PRDM11: variants seen among roughly 807,000 people sequenced by gnomAD.
The protein encoded by PRDM11 is PR domain-containing protein 11.
A neutral mutation model predicts 97.8 loss-of-function variants in PRDM11; 20 were observed. The ratio of observed to expected loss-of-function variants is 0.20; its 90% confidence interval spans 0.14 to 0.30. PRDM11 has a LOEUF of 0.30. PRDM11 is among the 10% of genes least tolerant of loss of function. PRDM11 has a pLI of 1.00. For missense variants in PRDM11, 1,139 were observed against 1,555.2 expected (o/e 0.73, Z 4.50); for synonymous variants, 599 against 637.7 (o/e 0.94, Z 0.91).
At position 45,228,596 on chromosome 11, in the gene PRDM11, T is replaced by C. The variant is rs1854334603; in HGVS notation, c.*437T>C. Reference sequence around the variant, plus strand: ...GGGTTTATGTTCTTGCCTTTTCTTTTTTCATTTGGTTTTATGATGGGAGGG... The same window carrying C: ...GGGTTTATGTTCTTGCCTTTTCTTTCTTCATTTGGTTTTATGATGGGAGGG... On this transcript the variant is annotated 3_prime_UTR_variant, in exon 8 of 8. Transcript: ENST00000683152. 6.6e-6 allele frequency: 1 copy of C among 152,066 alleles called. No individual in the cohort carries two copies. Among genetic ancestry groups the C allele is most frequent in the South Asian group, 2.1e-4 (1 of 4,814 alleles). 9.4% of individuals were successfully genotyped at this position (152,066 alleles called of 1,614,324 possible).
Position 45,226,412 on chromosome 11 carries a change from C to T in PRDM11, c.1787C>T (p.Ala596Val). ...AACATGACCCTGCTCTTCAACACCGCCTACCACCTGGCCTTGGAGGGCAGG... is the reference window on the plus strand; with the variant it reads ...AACATGACCCTGCTCTTCAACACCGTCTACCACCTGGCCTTGGAGGGCAGG... ...CRNMTLLFNT[A>V]YHLALEGRPY... The change falls in exon 8 of 8, where the codon GCC becomes GTC. Residue 596 changes from alanine (A) to valine (V), a missense_variant. Physicochemically the swap from Ala to Val is moderately conservative, Grantham distance 64. Around this residue, in one of 2 missense-constraint regions of PRDM11, gnomAD observed 710 missense variants for 1,044.9 expected, o/e 0.68. Transcript: ENST00000683152. 6.5e-7 allele frequency: 1 copy of T among 1,534,014 alleles called. No individual in the cohort carries two copies. Among genetic ancestry groups the T allele is most frequent in the Non-Finnish European group, 8.7e-7 (1 of 1,146,750 alleles).
In PRDM11 at chr11:45,111,273, T is replaced by A. The variant is rs1852173198; in HGVS notation, c.96+15372T>A. Among the ~76,000 whole-genome samples the A allele has an allele frequency of 3.6e-5, 2 of 55,310 alleles. 1 individual carries two copies. Among genetic ancestry groups the A allele is most frequent in the Admixed American group, 3.5e-4 (2 of 5,774 alleles). 36.3% of individuals were successfully genotyped at this position (55,310 alleles called of 152,430 possible). On this transcript the variant is annotated intron_variant, in intron 1 of 6. Transcript: ENST00000530656. Reference sequence around the variant, plus strand: ...ATCTCTCTCCCAGCATGTCTCCCTATTTTTGGTTCTTGATATTTACTCGTC... The same window carrying A: ...ATCTCTCTCCCAGCATGTCTCCCTAATTTTGGTTCTTGATATTTACTCGTC...
intron 1 of PRDM11, among the ~76,000 whole-genome samples, chr11:45,126,973 C>T (rs1424068082): frequency 6.6e-6 from 1 of 152,218 alleles, no homozygotes; most frequent in Non-Finnish European, 1.5e-5. Context: ...TTCAGGTACG[C>T]CAATCAGATG....
At position 45,229,483 on chromosome 11, in the gene PRDM11, GAC is replaced by G. The variant is rs144804793; in HGVS notation, c.*1340_*1341del. On this transcript the variant is annotated 3_prime_UTR_variant, in exon 8 of 8. Coordinates refer to ENST00000683152, the MANE Select transcript of PRDM11 (RefSeq NM_001384648.1). ...CTACACAGACACACACACACACACA[GAC>G]ACACACACACACACAGACACACACA... is the stretch of plus-strand genomic sequence containing the variant. The G allele has an allele frequency of 3.6e-4, 53 of 147,760 alleles. 1 individual carries two copies. The East Asian group carries it at 7.0e-3, about 19-fold the overall frequency. 9.2% of individuals were successfully genotyped at this position (147,760 alleles called of 1,614,324 possible). A position where few individuals can be genotyped will look rare whatever the true frequency, so the allele number is the denominator to read the frequency against.
At chr11:45,161,288 G>A (rs148144983) in intron 1 of PRDM11, among the ~76,000 whole-genome samples, 16 of 152,324 alleles carry the variant, frequency 1.1e-4, no homozygotes, top group African/African-American at 3.4e-4. Flanking sequence ...TCCATGGGCT[G>A]GGGGCCTGTG....
intron 1 of PRDM11, among the ~76,000 whole-genome samples, chr11:45,166,538 G>T (rs549878286): frequency 6.6e-6 from 1 of 152,234 alleles, no homozygotes; most frequent in Non-Finnish European, 1.5e-5. Context: ...AGGGACACCA[G>T]GGGGCCTGGA....
intron 1 of PRDM11, among the ~76,000 whole-genome samples, chr11:45,181,021 A>T (rs1231630393): frequency 6.6e-6 from 1 of 152,104 alleles, no homozygotes; most frequent in Admixed American, 6.5e-5. Context: ...AGTGAGTCAC[A>T]CACGCCGCTC....
chr11:45,110,381 G>C (rs1277763793), intron 1 of PRDM11, among the ~76,000 whole-genome samples: 3 of 152,170 alleles, frequency 2.0e-5, no homozygotes, highest in African/African-American at 7.2e-5. Context: ...TAAAAGGGGG[G>C]TGGGGATGAG....
At chr11:45,194,378 T>A (rs1316056554) in intron 4 of PRDM11, among the ~76,000 whole-genome samples, 1 of 152,142 alleles carries the variant, frequency 6.6e-6, no homozygotes, top group East Asian at 1.9e-4. Context: ...GGTTTCTTGG[T>A]GTTTGAAAAT....
At chr11:45,130,289 AT>A (rs1174879427) in intron 1 of PRDM11, among the ~76,000 whole-genome samples, 1 of 152,226 alleles carries the variant, frequency 6.6e-6, no homozygotes, top group East Asian at 1.9e-4. Context: ...ACTTCTGTTC[AT>A]TAAAAGACAT....
At chr11:45,111,650 G>T (rs1290186960) in intron 1 of PRDM11, among the ~76,000 whole-genome samples, 2 of 152,296 alleles carry the variant, frequency 1.3e-5, no homozygotes, top group East Asian at 3.9e-4. Context: ...AGTGGGAGTG[G>T]CTTTCCTCAC....
upstream of PRDM11, among the ~76,000 whole-genome samples, chr11:45,095,090 C>T (rs937285110): frequency 6.6e-6 from 1 of 152,116 alleles, no homozygotes; most frequent in Non-Finnish European, 1.5e-5. Context: ...CAACCTGCCA[C>T]CACAGTGGGA....
intron 1 of PRDM11, among the ~76,000 whole-genome samples, chr11:45,164,321 C>T (rs1449793575): frequency 3.9e-5 from 6 of 152,248 alleles, no homozygotes; most frequent in Non-Finnish European, 5.9e-5. Context: ...TCCAGTTGGC[C>T]AGGCTGCGCT....
At chr11:45,131,485 A>G (rs1343275504) in intron 1 of PRDM11, among the ~76,000 whole-genome samples, 4 of 152,244 alleles carry the variant, frequency 2.6e-5, no homozygotes, top group Non-Finnish European at 4.4e-5. Flanking sequence ...AAGCCTTGAT[A>G]ATATATACAA....
At chr11:45,178,884 C>T (rs918891042) in intron 1 of PRDM11, among the ~76,000 whole-genome samples, 19 of 152,206 alleles carry the variant, frequency 1.2e-4, no homozygotes, top group African/African-American at 2.9e-4. Flanking sequence ...ACCCTGTCCT[C>T]GGGGAGCTTA....
chr11:45,208,992 C>T (rs1010801799), intron 5 of PRDM11: 1 of 456,704 alleles, frequency 2.2e-6, no homozygotes, highest in Non-Finnish European at 4.4e-6. Context: ...GGAGACCATG[C>T]GGCTGTCCCA....
chr11:45,179,799 A>ACCGC (rs1458476601), intron 1 of PRDM11, among the ~76,000 whole-genome samples: 7 of 152,234 alleles, frequency 4.6e-5, no homozygotes, highest in African/African-American at 1.4e-4. Flanking sequence ...CCAGGATCAC[A>ACCGC]CCGCCCATCA....
At chr11:45,199,651 A>T (rs1853256147) in intron 4 of PRDM11, among the ~76,000 whole-genome samples, 1 of 152,158 alleles carries the variant, frequency 6.6e-6, no homozygotes. Context: ...AAGGCAAGGG[A>T]AGTCACTGGG....
At chr11:45,212,500 A>G (rs1033076653) in intron 5 of PRDM11, 4 of 436,208 alleles carry the variant, frequency 9.2e-6, no homozygotes, top group Non-Finnish European at 1.8e-5. Flanking sequence ...CTGGGCCCTC[A>G]AGGCAGCCTC....
Sources: allele counts gnomAD v4.1 joint callset (sites outside exome capture counted in the v4.1 genomes callset), GRCh38; gene constraint gnomAD v4.1.1; regional missense constraint gnomAD v4.1.1; transcripts MANE v1.5; gene names NCBI Gene and HGNC (gene_info 2026-07-23, HGNC 2026-07-21).